SPAG16: variants seen among roughly 807,000 people sequenced by gnomAD.
SPAG16 encodes the protein sperm-associated antigen 16 protein.
SPAG16 carries 86 observed loss-of-function variants against 80.4 expected under a neutral mutation model. That is an observed-to-expected ratio of 1.07 (90% CI 0.90 to 1.28). The LOEUF is 1.28. Ranked by LOEUF, SPAG16 falls within the 50% of genes most tolerant of loss-of-function variation. The probability of loss-of-function intolerance (pLI) is 0.00; values close to 1 mark genes in which losing one functional copy is unlikely to be tolerated. For missense variants in SPAG16, 870 were observed against 765.3 expected, an observed-to-expected ratio of 1.14 and a Z score of -1.61; for synonymous variants, 294 against 265.9, an observed-to-expected ratio of 1.11 and a Z score of -1.03.
rs559267290 is a variant in SPAG16, at chr2:213,709,188, GCC to G, written c.1071-153295_1071-153294del. ...CCATGGTAGTTCATGGCAATCCATGGCCCTCTTGCATATTGGCAAAGTTGAAA... is the reference window on the plus strand; with the variant it reads ...CCATGGTAGTTCATGGCAATCCATGGCTCTTGCATATTGGCAAAGTTGAAA... On this transcript the variant is annotated intron_variant, in intron 10 of 15. Transcript: ENST00000331683. Among the ~76,000 whole-genome samples the G allele has an allele frequency of 3.0e-4, 46 of 152,258 alleles. No individual in the cohort carries two copies. In the East Asian group the frequency reaches 5.6e-3, roughly 19 times the overall value.
At chr2:213,574,167 C>T (rs2060030379) in intron 10 of SPAG16, among the ~76,000 whole-genome samples, 2 of 152,114 alleles carry the variant, frequency 1.3e-5, no homozygotes, top group South Asian at 4.1e-4. Context: ...ATCACTCTGT[C>T]CTTTCACCAT....
intron 11 of SPAG16, among the ~76,000 whole-genome samples, chr2:213,883,017 C>A (rs551267650): frequency 1.1e-4 from 17 of 152,152 alleles, no homozygotes; most frequent in Non-Finnish European, 1.5e-5. Flanking sequence ...AGGCACCCAC[C>A]ACCACACCCG....
At chr2:213,664,871 C>A (rs569688933) in intron 10 of SPAG16, among the ~76,000 whole-genome samples, 2 of 151,716 alleles carry the variant, frequency 1.3e-5, no homozygotes, top group East Asian at 3.9e-4. Flanking sequence ...ACATATTGAC[C>A]CTTCTAAGTG....
intron 8 of SPAG16, among the ~76,000 whole-genome samples, chr2:213,372,572 G>A (rs535817530): frequency 4.3e-4 from 66 of 151,970 alleles, no homozygotes; most frequent in African/African-American, 1.5e-3. Context: ...TAGACTATAT[G>A]GTCTAATTAA....
chr2:214,000,806 G>A (rs189405041), intron 12 of SPAG16, among the ~76,000 whole-genome samples: 29 of 152,316 alleles, frequency 1.9e-4, no homozygotes, highest in Admixed American at 7.2e-4. Context: ...CAAGCTCTGC[G>A]CATGAGGAAA....
At chr2:213,304,072 C>T (rs916451497) in intron 3 of SPAG16, among the ~76,000 whole-genome samples, 1 of 152,080 alleles carries the variant, frequency 6.6e-6, no homozygotes, top group Non-Finnish European at 1.5e-5. Context: ...CAGATAAAAG[C>T]CATTTTAACT....
chr2:214,401,190 T>C (rs185356387), intron 15 of SPAG16, among the ~76,000 whole-genome samples: 6 of 152,062 alleles, frequency 3.9e-5, no homozygotes, highest in Admixed American at 3.3e-4. Flanking sequence ...ACTTAAGTAG[T>C]TTCTTGATAC....
intron 11 of SPAG16, among the ~76,000 whole-genome samples, chr2:213,909,476 A>G (rs1446043989): frequency 6.6e-6 from 1 of 152,166 alleles, no homozygotes; most frequent in Non-Finnish European, 1.5e-5. Flanking sequence ...ACTTCAAACT[A>G]TACTACAAGG....
At chr2:213,459,649 T>C (rs1342178236) in intron 9 of SPAG16, among the ~76,000 whole-genome samples, 1 of 152,218 alleles carries the variant, frequency 6.6e-6, no homozygotes, top group Admixed American at 6.5e-5. Context: ...TTCTTTGCTT[T>C]CTCCATCAGA....
chr2:213,597,107 T>C (rs1259200567), intron 10 of SPAG16, among the ~76,000 whole-genome samples: 1 of 152,144 alleles, frequency 6.6e-6, no homozygotes, highest in African/African-American at 2.4e-5. Context: ...GAAGTGACCT[T>C]GTCACAAAGT....
chr2:214,324,402 C>T (rs1212243041), intron 15 of SPAG16, among the ~76,000 whole-genome samples: 1 of 152,122 alleles, frequency 6.6e-6, no homozygotes. Context: ...TTAATAGGAA[C>T]TTCTGTTTTC....
At chr2:213,413,986 C>G (rs1327738545) in intron 9 of SPAG16, among the ~76,000 whole-genome samples, 1 of 152,168 alleles carries the variant, frequency 6.6e-6, no homozygotes, top group Non-Finnish European at 1.5e-5. Flanking sequence ...CCAGGTGTCA[C>G]TAATCTTCAT....
chr2:213,860,437 T>G (rs10176542), intron 10 of SPAG16, among the ~76,000 whole-genome samples: 9 of 133,606 alleles, frequency 6.7e-5, no homozygotes, highest in Middle Eastern at 3.8e-3. Flanking sequence ...ATCTATATAT[T>G]TATAGATATA....
intron 15 of SPAG16, among the ~76,000 whole-genome samples, chr2:214,254,990 G>C (rs771825824): frequency 2.7e-4 from 41 of 152,024 alleles, no homozygotes; most frequent in Non-Finnish European, 3.1e-4. Flanking sequence ...TTGATAGCCT[G>C]AGGGGATAAT....
chr2:214,279,373 T>A (rs561912377), intron 15 of SPAG16, among the ~76,000 whole-genome samples: 38 of 152,240 alleles, frequency 2.5e-4, no homozygotes, highest in African/African-American at 7.7e-4. Context: ...AGCATTTTTT[T>A]AAAATTGCAA....
intron 10 of SPAG16, among the ~76,000 whole-genome samples, chr2:213,562,932 G>A (rs1299329794): frequency 6.6e-6 from 1 of 152,132 alleles, no homozygotes; most frequent in Non-Finnish European, 1.5e-5. Flanking sequence ...CATTCATGAG[G>A]GCTCTGCCCT....
At chr2:213,765,262 G>A (rs1272152477) in intron 10 of SPAG16, among the ~76,000 whole-genome samples, 2 of 152,092 alleles carry the variant, frequency 1.3e-5, no homozygotes, top group Admixed American at 6.5e-5. Flanking sequence ...CCAGCTACTC[G>A]GGAGACTGAG....
At chr2:213,350,014 GTATAT>G (rs962353182) in intron 6 of SPAG16, among the ~76,000 whole-genome samples, 40 of 152,052 alleles carry the variant, frequency 2.6e-4, no homozygotes, top group Admixed American at 6.6e-5. Context: ...TTTTTTAAAG[GTATAT>G]TATATACTAG....
chr2:213,500,424 C>T lies in SPAG16; in HGVS notation c.1070+10334C>T, dbSNP rs778208947. Among the ~76,000 whole-genome samples the T allele has an allele frequency of 5.3e-5, 8 of 152,126 alleles. 1 individual carries two copies. In the East Asian group the frequency reaches 5.8e-4, roughly 11 times the overall value. ...GGCCAAGAATATAATTGGGTCATAT[C>T]GCTAAAACTTGCAACTTTATGTGAG... On this transcript the variant is annotated intron_variant, in intron 10 of 15. Coordinates refer to ENST00000331683, the MANE Select transcript of SPAG16 (RefSeq NM_024532.5).
Sources: gnomAD v4.1 joint callset for allele counts (sites outside exome capture counted in the v4.1 genomes callset) on GRCh38, gnomAD v4.1.1 for gene constraint, MANE v1.5 for transcripts, NCBI Gene and HGNC (gene_info 2026-07-23, HGNC 2026-07-21) for gene names.